Variants in CDYL2 observed in about 807,000 individuals in gnomAD.
CDYL2 encodes the protein chromodomain Y like 2.
In CDYL2, 23 loss-of-function variants were observed where a neutral mutation model predicts 49.4. That is an observed-to-expected ratio of 0.47 (90% CI 0.34 to 0.66). The LOEUF is 0.66. Ranked by LOEUF, CDYL2 falls within the 30% of genes least tolerant of loss-of-function variation. The probability of loss-of-function intolerance (pLI) is 0.01; values close to 1 mark genes in which losing one functional copy is unlikely to be tolerated. For missense variants in CDYL2, 678 were observed against 656.4 expected, an observed-to-expected ratio of 1.03 and a Z score of -0.36; for synonymous variants, 360 against 268.8, an observed-to-expected ratio of 1.34 and a Z score of -3.32.
Position 80,688,133 on chromosome 16 carries a change from T to C in CDYL2, c.25-3004A>G, listed in dbSNP as rs1377481079. 2.6e-5 allele frequency among the ~76,000 whole-genome samples: 4 copies of C among 152,198 alleles called. No individual in the cohort carries two copies. In the East Asian group the frequency reaches 7.7e-4, roughly 29 times the overall value. On this transcript the variant is annotated intron_variant, in intron 1 of 6. Transcript: ENST00000570137. ...CATTGGAGGCGGAGCTTAGTTTTGT[T>C]CCCTCCAAATTACTGGAGGTTGCAA... is the stretch of plus-strand genomic sequence containing the variant.
intron 1 of CDYL2, among the ~76,000 whole-genome samples, chr16:80,768,880 A>G (rs773420622): frequency 1.1e-4 from 16 of 152,364 alleles, no homozygotes; most frequent in Non-Finnish European, 2.2e-4. Context: ...AATGCAGATA[A>G]AACACTTAGA....
chr16:80,642,344 G>A (rs892636308), intron 2 of CDYL2, among the ~76,000 whole-genome samples: 75 of 152,184 alleles, frequency 4.9e-4, no homozygotes, highest in African/African-American at 1.6e-3. Context: ...TTGGGAGGCT[G>A]AGTTGAGAGA....
intron 2 of CDYL2, among the ~76,000 whole-genome samples, chr16:80,636,084 AG>A (rs1436688114): frequency 6.6e-6 from 1 of 152,064 alleles, no homozygotes; most frequent in Non-Finnish European, 1.5e-5. Flanking sequence ...TAGACTTAAA[AG>A]TAACACCTAA....
intron 1 of CDYL2, among the ~76,000 whole-genome samples, chr16:80,773,479 T>A (rs983332559): frequency 9.9e-5 from 15 of 152,092 alleles, no homozygotes; most frequent in African/African-American, 3.4e-4. Context: ...ATAAAATATA[T>A]AATCTTGACC....
At chr16:80,770,119 A>T (rs906527295) in intron 1 of CDYL2, among the ~76,000 whole-genome samples, 2 of 152,222 alleles carry the variant, frequency 1.3e-5, no homozygotes, top group African/African-American at 4.8e-5. Context: ...GATGAAAAAA[A>T]ATGATAGGCA....
intron 1 of CDYL2, among the ~76,000 whole-genome samples, chr16:80,691,636 T>A (rs1215226512): frequency 6.6e-6 from 1 of 152,314 alleles, no homozygotes; most frequent in Non-Finnish European, 1.5e-5. Flanking sequence ...GTCATAAAAA[T>A]TTTTAAAACA....
intron 2 of CDYL2, among the ~76,000 whole-genome samples, chr16:80,648,553 T>A (rs117340320): frequency 6.6e-6 from 1 of 152,148 alleles, no homozygotes; most frequent in East Asian, 1.9e-4. Context: ...GTCTTCACTG[T>A]TGAATTCTAC....
chr16:80,707,844 C>T (rs1904458439), intron 1 of CDYL2, among the ~76,000 whole-genome samples: 1 of 152,190 alleles, frequency 6.6e-6, no homozygotes, highest in Non-Finnish European at 1.5e-5. Flanking sequence ...AATACAAGGG[C>T]ACAAGTGTTT....
At chr16:80,629,510 C>T (rs1020525519) in intron 3 of CDYL2, among the ~76,000 whole-genome samples, 1 of 152,176 alleles carries the variant, frequency 6.6e-6, no homozygotes, top group African/African-American at 2.4e-5. Flanking sequence ...GCCAAGGGCA[C>T]TGAAGGAAGA....
intron 1 of CDYL2, 90 bp from the exon 2 acceptor site, chr16:80,685,219 G>A: frequency 4.9e-6 from 5 of 1,022,258 alleles, no homozygotes; most frequent in Non-Finnish European, 1.5e-6. Flanking sequence ...AAGCCTTTGG[G>A]ATAGAGGCAT....
At position 80,633,671 on chromosome 16, in the gene CDYL2, G is replaced by A. The variant is rs372429246; in HGVS notation, c.617-435C>T. 3.0e-4 allele frequency among the ~76,000 whole-genome samples: 45 copies of A among 152,206 alleles called. 1 individual carries two copies. The highest frequency in any genetic ancestry group is 3.4e-3 in the Middle Eastern group (1 of 294). On this transcript the variant is annotated intron_variant, in intron 2 of 6. Transcript: ENST00000570137. ...AAGCACCACCCTCAAATACATTCACGAGCATGACCTTATTTAATATGAGAA... is the reference window on the plus strand; with the variant it reads ...AAGCACCACCCTCAAATACATTCACAAGCATGACCTTATTTAATATGAGAA...
intron 1 of CDYL2, among the ~76,000 whole-genome samples, chr16:80,747,093 C>T (rs546428822): frequency 1.3e-5 from 2 of 152,024 alleles, no homozygotes; most frequent in African/African-American, 2.4e-5. Context: ...AGTTTTCTTA[C>T]GGCATAGAAA....
In CDYL2 at chr16:80,656,484, G is replaced by A. The variant is rs1388464025; in HGVS notation, c.617-23248C>T. 2.6e-5 allele frequency among the ~76,000 whole-genome samples: 4 copies of A among 152,366 alleles called. No homozygotes were observed. In the East Asian group the frequency reaches 5.8e-4, roughly 22 times the overall value. Reference sequence around the variant, plus strand: ...CTGTTCTGTGCCCCCACTGTCCTGCGTGTGAAATGGGAGGGCAGCTGAGAA... The same window carrying A: ...CTGTTCTGTGCCCCCACTGTCCTGCATGTGAAATGGGAGGGCAGCTGAGAA... On this transcript the variant is annotated intron_variant, in intron 2 of 6. Transcript: ENST00000570137.
chr16:80,672,609 G>GGAAAGGAAAC (rs1909574496), intron 2 of CDYL2, among the ~76,000 whole-genome samples: 1 of 140,968 alleles, frequency 7.1e-6, no homozygotes, highest in South Asian at 2.2e-4. Context: ...GGAAAGGAAA[G>GGAAAGGAAAC]GAAAAGAAAG....
At chr16:80,687,099 C>T (rs1910225366) in intron 1 of CDYL2, among the ~76,000 whole-genome samples, 1 of 152,170 alleles carries the variant, frequency 6.6e-6, no homozygotes, top group East Asian at 1.9e-4. Flanking sequence ...TTTTTGTGAA[C>T]ATTGTAGGGA....
At chr16:80,799,791 G>T (rs1907871171) in intron 1 of CDYL2, among the ~76,000 whole-genome samples, 1 of 152,202 alleles carries the variant, frequency 6.6e-6, no homozygotes, top group Non-Finnish European at 1.5e-5. Flanking sequence ...TCAAGAGGTG[G>T]GAGAATCATA....
chr16:80,799,325 C>T (rs2142424231), intron 1 of CDYL2, among the ~76,000 whole-genome samples: 1 of 152,200 alleles, frequency 6.6e-6, no homozygotes, highest in East Asian at 1.9e-4. Context: ...CAAGCAACTC[C>T]TAGAGAACAC....
At chr16:80,608,006 T>C in intron 6 of CDYL2, 86 bp downstream of exon 6, 1 of 1,412,960 alleles carries the variant, frequency 7.1e-7, no homozygotes, top group South Asian at 1.5e-5. Flanking sequence ...CTCTAGCAAG[T>C]CAGTGAAGCC....
At chr16:80,671,721 G>T (rs890456792) in intron 2 of CDYL2, among the ~76,000 whole-genome samples, 1 of 152,322 alleles carries the variant, frequency 6.6e-6, no homozygotes, top group Non-Finnish European at 1.5e-5. Context: ...GGCTCCTCTT[G>T]TTCCCCTTAA....
Sources: allele counts gnomAD v4.1 joint callset (sites outside exome capture counted in the v4.1 genomes callset), GRCh38; gene constraint gnomAD v4.1.1; transcripts MANE v1.5; gene names NCBI Gene and HGNC (gene_info 2026-07-23, HGNC 2026-07-21).